Variants in DHX30 observed in about 807,000 individuals in gnomAD.
The protein encoded by DHX30 is ATP-dependent RNA helicase DHX30.
In DHX30, 4 loss-of-function variants were observed where a neutral mutation model predicts 116.9. The ratio of observed to expected loss-of-function variants is 0.03; its 90% CI spans 0.02 to 0.08. The LOEUF is 0.08. Among genes scored for constraint, DHX30 ranks in the 10% least tolerant of loss-of-function variants. The probability of loss-of-function intolerance (pLI) is 1.00; values close to 1 mark genes in which losing one functional copy is unlikely to be tolerated. For missense variants in DHX30, 871 were observed against 1,595.1 expected (o/e 0.55, Z 7.73); for synonymous variants, 697 against 651.7 (o/e 1.07, Z -1.06).
chr3:47,846,871 C>G lies in DHX30; in HGVS notation c.1799C>G (p.Ser600Cys), dbSNP rs747629095. 1 of 1,612,892 alleles carries G rather than the reference C, an allele frequency of 6.2e-7. No homozygotes were observed. The highest frequency in any genetic ancestry group is 2.2e-5 in the East Asian group (1 of 44,862). ...MSATGDNERFSRYFGGCPVIK... is the reference protein window; with the variant it reads ...MSATGDNERFCRYFGGCPVIK... ...GCCACAGGGGACAATGAGCGCTTCT[C>G]CCGATACTTTGGTGGCTGCCCCGTC... is the stretch of plus-strand genomic sequence containing the variant. Residue 600 changes from serine to cysteine, a missense_variant, in exon 11 of 22, where the codon TCC (serine) becomes TGC (cysteine). Physicochemically the swap from Ser to Cys is moderately radical, Grantham distance 112. Around this residue, in one of 13 missense-constraint regions of DHX30, gnomAD observed 61 missense variants for 106.7 expected, o/e 0.57. Coordinates refer to ENST00000445061, the MANE Select transcript of DHX30 (RefSeq NM_138615.3).
chr3:47,841,550 C>T (rs547774104), intron 7 of DHX30, 67 bp from the exon 8 acceptor site: 170 of 1,607,762 alleles, frequency 1.1e-4, no homozygotes, highest in Non-Finnish European at 1.4e-4. Context: ...ACCCCTACAT[C>T]GCAGAGCCTC....
chr3:47,825,359 A>G (rs2036505778), intron 4 of DHX30: 2 of 527,880 alleles, frequency 3.8e-6, no homozygotes, highest in Non-Finnish European at 6.6e-6. Flanking sequence ...TCTCTTCCAT[A>G]GTGGCCAAGT....
At chr3:47,837,588 C>G (rs2037179712) in intron 6 of DHX30, among the ~76,000 whole-genome samples, 1 of 152,138 alleles carries the variant, frequency 6.6e-6, no homozygotes, top group Non-Finnish European at 1.5e-5. Flanking sequence ...TGGTGAAACC[C>G]CATCTCTACT....
intron 4 of DHX30, among the ~76,000 whole-genome samples, chr3:47,823,647 C>T (rs1279818072): frequency 1.3e-5 from 2 of 152,108 alleles, no homozygotes. Context: ...CAGGCATGAG[C>T]CACTGCGCCT....
chr3:47,827,623 G>A (rs1427703232), intron 5 of DHX30, 146 bp downstream of exon 5: 4 of 1,172,970 alleles, frequency 3.4e-6, no homozygotes, highest in Admixed American at 3.0e-5. Flanking sequence ...AGCAAAGCTA[G>A]GTTTGAAGAA....
At chr3:47,842,184 A>T in intron 8 of DHX30, 1 of 165,194 alleles carries the variant, frequency 6.1e-6, no homozygotes, top group Non-Finnish European at 1.3e-5. Context: ...TAGCTAAGAA[A>T]GCCGTACAAA....
rs531742051 is a variant in DHX30, at chr3:47,848,412, G to T, written c.2493+26G>T. ...GTGCGGCGGGGCGGGGCAGGGGCTG[G>T]CCTGGGGACCAGGCAGGTGGGAGGC... On this transcript the variant is annotated intron_variant, in intron 15 of 21. Transcript: ENST00000445061. This position sits in a 1 kb window ranked among gnomAD's most constrained non-coding sequence, Gnocchi z 9.4. 1 of 1,613,844 alleles carries T rather than the reference G, an allele frequency of 6.2e-7. No homozygotes were observed. Among genetic ancestry groups the T allele is most frequent in the African/African-American group, 1.3e-5 (1 of 75,038 alleles).
intron 2 of DHX30, 23 bp from the exon 3 acceptor site, chr3:47,810,634 C>T (rs1171880306): frequency 3.7e-6 from 6 of 1,601,626 alleles, no homozygotes; most frequent in Middle Eastern, 1.6e-4. Flanking sequence ...TAACCATTGC[C>T]TCTTGGCCCT....
chr3:47,826,891 C>T (rs1294396977), intron 4 of DHX30, among the ~76,000 whole-genome samples: 1 of 152,170 alleles, frequency 6.6e-6, no homozygotes, highest in African/African-American at 2.4e-5. Flanking sequence ...GGGGCCAGGT[C>T]TCTCGTGTGT....
Position 47,847,723 on chromosome 3 carries a change from C to G in DHX30, c.2111-58C>G. 2 of 1,576,690 alleles carry G rather than the reference C, an allele frequency of 1.3e-6. No individual in the cohort carries two copies. The highest frequency in any genetic ancestry group is 1.8e-5 in the Admixed American group (1 of 56,654). On this transcript the variant is annotated intron_variant, in intron 13 of 21. Coordinates refer to ENST00000445061, the MANE Select transcript of DHX30 (RefSeq NM_138615.3). The surrounding 1 kb of genome is among the most constrained non-coding windows in gnomAD (Gnocchi z 5.5). ...TCAAAATCCTTGCCCTGCCCACATT[C>G]CAGGGGGGAATTCTGGTGGAAGCAG...
Position 47,841,043 on chromosome 3 carries a change from C to T in DHX30, c.533C>T (p.Pro178Leu). 2 of 1,614,120 alleles carry T rather than the reference C, an allele frequency of 1.2e-6. No homozygotes were observed. The highest frequency in any genetic ancestry group is 1.7e-6 in the Non-Finnish European group (2 of 1,180,014). Residue 178 changes from proline (P) to leucine (L), a missense_variant, in exon 7 of 22, where the codon CCT becomes CTT. Pro to Leu is a moderately conservative substitution (Grantham distance 98). This residue lies in a region of DHX30 where 109 missense variants were observed against 118.8 expected (regional missense o/e 0.92). Coordinates refer to ENST00000445061, the MANE Select transcript of DHX30 (RefSeq NM_138615.3). Reference sequence around the variant, plus strand: ...CCAGAGAGTATTCGACCAGGGGGACCTGGGGGCCTATCCCGCTCTTTAGGC... The same window carrying T: ...CCAGAGAGTATTCGACCAGGGGGACTTGGGGGCCTATCCCGCTCTTTAGGC... ...LNPESIRPGGPGGLSRSLGRE... is the reference protein window; with the variant it reads ...LNPESIRPGGLGGLSRSLGRE...
At chr3:47,814,564 C>G (rs2035963986) in intron 3 of DHX30, among the ~76,000 whole-genome samples, 1 of 151,802 alleles carries the variant, frequency 6.6e-6, no homozygotes, top group African/African-American at 2.4e-5. Context: ...GCAGCCTGGA[C>G]AGCATTGGGA....
intron 3 of DHX30, among the ~76,000 whole-genome samples, chr3:47,811,925 G>A (rs546437901): frequency 3.3e-5 from 5 of 152,170 alleles, no homozygotes; most frequent in East Asian, 1.9e-4. Flanking sequence ...TTATCCAGGC[G>A]TGGCAGTCTG....
intron 6 of DHX30, 112 bp downstream of exon 6, chr3:47,829,246 C>T (rs954727420): frequency 9.6e-6 from 4 of 415,608 alleles, no homozygotes; most frequent in Non-Finnish European, 1.8e-5. Flanking sequence ...GCCCTGAGCC[C>T]TTCCCACTTC....
intron 6 of DHX30, among the ~76,000 whole-genome samples, chr3:47,837,005 G>T (rs1403075355): frequency 6.6e-6 from 1 of 152,156 alleles, no homozygotes; most frequent in African/African-American, 2.4e-5. Context: ...TTGGTGAGAC[G>T]TGCTGGCAGC....
chr3:47,840,507 A>G (rs1346017560), intron 6 of DHX30, among the ~76,000 whole-genome samples: 1 of 151,720 alleles, frequency 6.6e-6, no homozygotes, highest in Non-Finnish European at 1.5e-5. Context: ...GTTGTGGTGC[A>G]TGCCTTTAGT....
At chr3:47,810,762 G>A in intron 3 of DHX30, 51 bp downstream of exon 3, 1 of 1,577,220 alleles carries the variant, frequency 6.3e-7, no homozygotes, top group East Asian at 2.2e-5. Context: ...ATTGGGATGG[G>A]CAGCTCTGAG....
rs752308687 is a variant in DHX30 at position 47,848,760 on chromosome 3, C to T, written c.2712C>T (p.Ser904=). The T allele has an allele frequency of 4.3e-6, 7 of 1,614,044 alleles. No individual in the cohort carries two copies. The highest frequency in any genetic ancestry group is 4.0e-5 in the African/African-American group (3 of 74,928). The change falls in exon 17 of 22, where the codon TCC becomes TCT. Residue 904 remains serine, a synonymous_variant. Coordinates refer to ENST00000445061, the MANE Select transcript of DHX30 (RefSeq NM_138615.3). This position sits in a 1 kb window ranked among gnomAD's most constrained non-coding sequence, Gnocchi z 9.4. ...RCLHPLLVVV[S]CLTRDPFSSS... ...TGCACCCACTACTGGTGGTCGTTTCCTGCCTCACCCGGGACCCCTTCAGCA... is the reference window on the plus strand; with the variant it reads ...TGCACCCACTACTGGTGGTCGTTTCTTGCCTCACCCGGGACCCCTTCAGCA...
chr3:47,845,701 G>C lies in DHX30; in HGVS notation c.941G>C (p.Ser314Thr). Residue 314 changes from serine to threonine, a missense_variant and splice_region_variant, in exon 10 of 22, where the codon AGC becomes ACC. Ser to Thr is a moderately conservative substitution (Grantham distance 58). Transcript: ENST00000445061. ...AAALACKKLK[S>T]LGLVDRNNEP... Reference sequence around the variant, plus strand: ...TGAGTCTTGCATGTCCCCCTGCAGAGCCTGGGCCTGGTGGACAGGAACAAC... The same window carrying C: ...TGAGTCTTGCATGTCCCCCTGCAGACCCTGGGCCTGGTGGACAGGAACAAC... 1 of 1,597,988 alleles carries C rather than the reference G, an allele frequency of 6.3e-7. No homozygotes were observed. Among genetic ancestry groups the C allele is most frequent in the African/African-American group, 1.3e-5 (1 of 74,820 alleles).
Sources: gnomAD v4.1 joint callset for allele counts (sites outside exome capture counted in the v4.1 genomes callset) on GRCh38, gnomAD v4.1.1 for gene constraint, gnomAD v4.1.1 regional missense constraint, Gnocchi (gnomAD v3.1) non-coding constraint, MANE v1.5 for transcripts, NCBI Gene and HGNC (gene_info 2026-07-23, HGNC 2026-07-21) for gene names.